The following TMEM117 variants were observed in gnomAD, a reference collection of about 807,000 sequenced individuals.
TMEM117 encodes transmembrane protein 117.
TMEM117 carries 27 observed loss-of-function variants against 52.4 expected under a neutral mutation model. The observed-to-expected ratio is 0.51, with a 90% confidence interval of 0.38 to 0.71. TMEM117 has a LOEUF of 0.71. TMEM117 is among the 30% of genes least tolerant of loss of function. The pLI, the probability that TMEM117 is intolerant of heterozygous loss-of-function variation, is 0.00. For synonymous variants in TMEM117, 215 were observed against 206.3 expected (o/e 1.04, Z -0.36); for missense variants, 556 against 630.5 (o/e 0.88, Z 1.26).
chr12:43,881,407 T>C (rs1230795082), intron 2 of TMEM117, among the ~76,000 whole-genome samples: 1 of 152,204 alleles, frequency 6.6e-6, no homozygotes, highest in Non-Finnish European at 1.5e-5. Flanking sequence ...ATTTTACTAA[T>C]ACTTTTTATA....
intron 4 of TMEM117, among the ~76,000 whole-genome samples, chr12:44,152,494 T>TG (rs1204656109): frequency 2.6e-5 from 3 of 116,928 alleles, no homozygotes; most frequent in African/African-American, 1.1e-4. Context: ...AATTTTTATA[T>TG]ATATAATTAT....
In TMEM117 at chr12:44,282,620, A is replaced by G. The variant is rs574971678; in HGVS notation, c.609-16960A>G. ...AGAAGAAATTTCTAAGCAGCAAAGCATTCAAGAGGTGACTTGTCATTCAGT... is the reference window on the plus strand; with the variant it reads ...AGAAGAAATTTCTAAGCAGCAAAGCGTTCAAGAGGTGACTTGTCATTCAGT... On this transcript the variant is annotated intron_variant, in intron 5 of 7. Transcript: ENST00000266534. Among the ~76,000 whole-genome samples, 17 of 152,352 alleles carry G rather than the reference A, an allele frequency of 1.1e-4. No homozygotes were observed. In the South Asian group the frequency reaches 3.5e-3, roughly 32 times the overall value.
intron 3 of TMEM117, among the ~76,000 whole-genome samples, chr12:43,971,919 C>T (rs1376088587): frequency 1.3e-5 from 2 of 152,220 alleles, no homozygotes; most frequent in Non-Finnish European, 2.9e-5. Context: ...CCCCATCCCT[C>T]CAGCCCCTGG....
intron 3 of TMEM117, among the ~76,000 whole-genome samples, chr12:44,046,558 A>G (rs1487755905): frequency 6.6e-6 from 1 of 152,212 alleles, no homozygotes; most frequent in Non-Finnish European, 1.5e-5. Flanking sequence ...GGTTTGGGTC[A>G]CTTCACCAGG....
chr12:44,030,044 AAG>A (rs2137864986), intron 3 of TMEM117, among the ~76,000 whole-genome samples: 1 of 152,346 alleles, frequency 6.6e-6, no homozygotes, highest in East Asian at 1.9e-4. Flanking sequence ...TGTGATATAA[AAG>A]AGCTTTGATT....
chr12:44,288,186 A>G lies in TMEM117; in HGVS notation c.609-11394A>G, dbSNP rs181938177. Among the ~76,000 whole-genome samples the G allele has an allele frequency of 4.5e-3, 686 of 152,328 alleles. 2 individuals carry two copies. Among genetic ancestry groups the G allele is most frequent in the Non-Finnish European group, 7.5e-3 (512 of 68,020 alleles). ...ACAATACATTTGCATCTGCAGTTAT[A>G]TCTACATAAGACGCTGAGCATAATT... On this transcript the variant is annotated intron_variant, in intron 5 of 7. Coordinates refer to ENST00000266534, the MANE Select transcript of TMEM117 (RefSeq NM_032256.3).
At chr12:44,103,835 C>G (rs1349975815) in intron 3 of TMEM117, among the ~76,000 whole-genome samples, 2 of 151,938 alleles carry the variant, frequency 1.3e-5, no homozygotes, top group Admixed American at 6.6e-5. Context: ...GACTTTTTAT[C>G]TAGTCTTCAC....
intron 4 of TMEM117, among the ~76,000 whole-genome samples, chr12:44,150,984 G>A (rs2138221240): frequency 6.6e-6 from 1 of 152,212 alleles, no homozygotes; most frequent in Non-Finnish European, 1.5e-5. Flanking sequence ...TCCATAGTAT[G>A]TGATAGGTAT....
At chr12:43,912,506 TTTATATATATATATA>T (rs1255876063) in intron 2 of TMEM117, among the ~76,000 whole-genome samples, 2 of 64,478 alleles carry the variant, frequency 3.1e-5, no homozygotes. Context: ...ATAATAATAA[TTTATATATATATATA>T]TATATATATA....
intron 2 of TMEM117, among the ~76,000 whole-genome samples, chr12:43,915,719 G>A (rs1164843594): frequency 6.6e-6 from 1 of 151,588 alleles, no homozygotes; most frequent in East Asian, 1.9e-4. Flanking sequence ...AAAGAAAGGA[G>A]GGGAAGAAGG....
At chr12:44,173,288 G>A (rs1949074128) in intron 4 of TMEM117, among the ~76,000 whole-genome samples, 1 of 152,062 alleles carries the variant, frequency 6.6e-6, no homozygotes, top group Non-Finnish European at 1.5e-5. Context: ...TGTTTCCCAG[G>A]GTGGTCTCAA....
intron 6 of TMEM117, among the ~76,000 whole-genome samples, chr12:44,323,752 C>G (rs1951162721): frequency 6.6e-6 from 1 of 152,126 alleles, no homozygotes; most frequent in Non-Finnish European, 1.5e-5. Flanking sequence ...TACCTTATCC[C>G]AAACTTACAT....
intron 2 of TMEM117, among the ~76,000 whole-genome samples, chr12:43,937,780 G>A (rs1025680811): frequency 6.6e-5 from 10 of 151,992 alleles, no homozygotes; most frequent in African/African-American, 2.4e-4. Flanking sequence ...GACATACTGT[G>A]TGCCAGGTAC....
intron 3 of TMEM117, among the ~76,000 whole-genome samples, chr12:43,987,152 G>A (rs1945862250): frequency 6.6e-6 from 1 of 152,104 alleles, no homozygotes; most frequent in African/African-American, 2.4e-5. Context: ...AAGAGTTAAG[G>A]CACCAGACAC....
intron 2 of TMEM117, among the ~76,000 whole-genome samples, chr12:43,861,824 T>C (rs2137398568): frequency 6.6e-6 from 1 of 152,246 alleles, no homozygotes; most frequent in African/African-American, 2.4e-5. Context: ...ACTCAAGATT[T>C]TTGTTCTTAT....
intron 4 of TMEM117, among the ~76,000 whole-genome samples, chr12:44,189,262 C>T (rs992635912): frequency 1.3e-5 from 2 of 152,122 alleles, no homozygotes; most frequent in Admixed American, 6.6e-5. Flanking sequence ...ACTTATTTTG[C>T]ATTCTTAATT....
chr12:44,002,188 G>T (rs927595415), intron 3 of TMEM117, among the ~76,000 whole-genome samples: 3 of 152,180 alleles, frequency 2.0e-5, no homozygotes, highest in African/African-American at 7.2e-5. Flanking sequence ...ACACCTGCAC[G>T]AGGCTTCAAC....
chr12:44,329,762 A>G (rs1172076500), intron 6 of TMEM117, among the ~76,000 whole-genome samples: 2 of 151,990 alleles, frequency 1.3e-5, no homozygotes, highest in Non-Finnish European at 2.9e-5. Flanking sequence ...ATCATATAGC[A>G]TTTATCCTAT....
chr12:44,121,044 G>C (rs1948225905), intron 3 of TMEM117, among the ~76,000 whole-genome samples: 1 of 152,204 alleles, frequency 6.6e-6, no homozygotes, highest in South Asian at 2.1e-4. Flanking sequence ...AGAGGCACGT[G>C]TTACATGGTG....
Sources: gnomAD v4.1 joint callset for allele counts (sites outside exome capture counted in the v4.1 genomes callset) on GRCh38, gnomAD v4.1.1 for gene constraint, MANE v1.5 for transcripts, NCBI Gene and HGNC (gene_info 2026-07-23, HGNC 2026-07-21) for gene names.